NFAT5: variants seen among roughly 807,000 people sequenced by gnomAD.
The protein encoded by NFAT5 is nuclear factor of activated T-cells 5.
In NFAT5, 31 loss-of-function variants were observed where a neutral mutation model predicts 166.5. That is an observed-to-expected ratio of 0.19 (90% CI 0.14 to 0.25). The LOEUF is 0.25. Among genes scored for constraint, NFAT5 ranks in the 10% least tolerant of loss-of-function variants. The pLI, the probability that NFAT5 is intolerant of heterozygous loss-of-function variation, is 1.00. For missense variants in NFAT5, 1,449 were observed against 1,821.8 expected (o/e 0.80, Z 3.72); for synonymous variants, 612 against 639.7 (o/e 0.96, Z 0.65).
At chr16:69,573,295 G>T (rs771517825) in intron 2 of NFAT5, among the ~76,000 whole-genome samples, 1 of 151,848 alleles carries the variant, frequency 6.6e-6, no homozygotes, top group East Asian at 1.9e-4. Context: ...ACTTCATAGT[G>T]CAAAAATGGA....
intron 2 of NFAT5, among the ~76,000 whole-genome samples, chr16:69,614,878 C>CTTT (rs55841097): frequency 2.1e-3 from 270 of 130,948 alleles, no homozygotes; most frequent in South Asian, 5.8e-3. Context: ...TTTCTTTTTC[C>CTTT]TTTTTTTTTT....
At chr16:69,666,296 C>T (rs1442138054) in intron 7 of NFAT5, among the ~76,000 whole-genome samples, 1 of 151,720 alleles carries the variant, frequency 6.6e-6, no homozygotes, top group Non-Finnish European at 1.5e-5. Flanking sequence ...AAAGCAATGG[C>T]AACCAAAGCC....
intron 2 of NFAT5, among the ~76,000 whole-genome samples, chr16:69,613,933 C>T (rs904573287): frequency 2.0e-4 from 30 of 152,238 alleles, no homozygotes; most frequent in African/African-American, 7.2e-4. Context: ...CTGGCATAGA[C>T]AAAAATACTT....
intron 2 of NFAT5, among the ~76,000 whole-genome samples, chr16:69,585,941 G>A (rs2032031928): frequency 6.6e-6 from 1 of 152,170 alleles, no homozygotes. Context: ...AATGGTAATG[G>A]TTGCACAATG....
chr16:69,662,440 A>G (rs538624860), intron 7 of NFAT5, among the ~76,000 whole-genome samples: 110 of 149,048 alleles, frequency 7.4e-4, no homozygotes, highest in South Asian at 2.3e-3. Flanking sequence ...GAGGTAGACA[A>G]CACCTCTTTC....
At chr16:69,620,188 C>T (rs1461424248) in intron 2 of NFAT5, among the ~76,000 whole-genome samples, 2 of 152,156 alleles carry the variant, frequency 1.3e-5, no homozygotes, top group Non-Finnish European at 2.9e-5. Context: ...TATGAGAATG[C>T]ACCAGCATGG....
chr16:69,640,466 C>T (rs945905547), intron 3 of NFAT5, among the ~76,000 whole-genome samples: 1 of 152,276 alleles, frequency 6.6e-6, no homozygotes, highest in South Asian at 2.1e-4. Context: ...AGCAGGTTTG[C>T]AGCCACTTTG....
chr16:69,613,134 T>C (rs1008157683), intron 2 of NFAT5, among the ~76,000 whole-genome samples: 1 of 152,256 alleles, frequency 6.6e-6, no homozygotes, highest in Non-Finnish European at 1.5e-5. Context: ...GGAACTCTCC[T>C]TTTTTTCCCT....
chr16:69,672,949 A>G (rs540054178), intron 9 of NFAT5, among the ~76,000 whole-genome samples: 43 of 152,330 alleles, frequency 2.8e-4, no homozygotes, highest in African/African-American at 1.0e-3. Flanking sequence ...AACAAATTGT[A>G]GTATTAACTT....
intron 2 of NFAT5, among the ~76,000 whole-genome samples, chr16:69,571,476 C>G (rs1245852172): frequency 2.0e-5 from 3 of 152,164 alleles, no homozygotes; most frequent in Admixed American, 2.0e-4. Context: ...CCCAGGTAGT[C>G]TCACTTTAGC....
intron 2 of NFAT5, among the ~76,000 whole-genome samples, chr16:69,594,391 G>C (rs1389768129): frequency 6.6e-6 from 1 of 152,148 alleles, no homozygotes; most frequent in Non-Finnish European, 1.5e-5. Context: ...GGAATTTTTA[G>C]TCTGCATTAT....
intron 10 of NFAT5, among the ~76,000 whole-genome samples, chr16:69,683,231 A>C (rs2037145289): frequency 6.6e-6 from 1 of 151,610 alleles, no homozygotes; most frequent in Non-Finnish European, 1.5e-5. Context: ...AAAGAAGAAA[A>C]AAGAAAAGTA....
chr16:69,572,195 C>T (rs1411242073), intron 2 of NFAT5, among the ~76,000 whole-genome samples: 1 of 152,090 alleles, frequency 6.6e-6, no homozygotes, highest in Non-Finnish European at 1.5e-5. Flanking sequence ...ACGATGATTG[C>T]CTGACAATGG....
intron 2 of NFAT5, among the ~76,000 whole-genome samples, chr16:69,573,157 AT>A (rs1448658047): frequency 6.6e-6 from 1 of 152,220 alleles, no homozygotes; most frequent in Non-Finnish European, 1.5e-5. Context: ...CTTTGTTTAA[AT>A]TAAACATTTA....
chr16:69,646,701 T>C (rs1010139636), intron 3 of NFAT5: 14 of 255,296 alleles, frequency 5.5e-5, no homozygotes, highest in Admixed American at 1.7e-4. Context: ...GGGTTTTCTT[T>C]ATTACTTTAA....
Position 69,693,560 on chromosome 16 carries a change from A to G in NFAT5, c.3735A>G (p.Gln1245=), listed in dbSNP as rs2037642376. The change falls in exon 13 of 15, where the codon CAA becomes CAG. Residue 1245 remains glutamine, a synonymous_variant. Coordinates refer to ENST00000349945, the MANE Select transcript of NFAT5 (RefSeq NM_138713.4). The part of the protein sequence containing the change: ...SLPPNPMPQS[Q]QGTMFQSQHS... The stretch of plus-strand genomic sequence containing the variant: ...CACCTAATCCAATGCCTCAAAGCCA[A>G]CAAGGAACCATGTTCCAGTCACAGC... 1 of 1,614,166 alleles carries G rather than the reference A, an allele frequency of 6.2e-7. No individual in the cohort carries two copies. The highest frequency in any genetic ancestry group is 2.2e-5 in the East Asian group (1 of 44,880).
chr16:69,574,933 A>G (rs934597146), intron 2 of NFAT5, among the ~76,000 whole-genome samples: 7 of 152,094 alleles, frequency 4.6e-5, no homozygotes, highest in African/African-American at 1.7e-4. Flanking sequence ...CAGCCTCCCA[A>G]ACTGCTGGGA....
At chr16:69,688,021 C>A (rs1340208678) in intron 11 of NFAT5, among the ~76,000 whole-genome samples, 2 of 149,788 alleles carry the variant, frequency 1.3e-5, no homozygotes, top group East Asian at 3.9e-4. Flanking sequence ...GGTGAAACCC[C>A]GTCTCTACTA....
rs151219756 is a variant in NFAT5, at chr16:69,572,031, G to A, written c.127+3483G>A. The stretch of plus-strand genomic sequence containing the variant: ...CCTGCGTCAGCCTCCCAAAGTGCTG[G>A]GATTACAGGCGTGAGCCACCGCACC... On this transcript the variant is annotated intron_variant, in intron 2 of 14. Transcript: ENST00000349945. 1.9e-3 allele frequency among the ~76,000 whole-genome samples: 283 copies of A among 152,016 alleles called. 3 individuals are homozygous for A. The highest frequency in any genetic ancestry group is 6.4e-3 in the African/African-American group (266 of 41,468).
Sources: allele counts gnomAD v4.1 joint callset (sites outside exome capture counted in the v4.1 genomes callset), GRCh38; gene constraint gnomAD v4.1.1; transcripts MANE v1.5; gene names NCBI Gene and HGNC (gene_info 2026-07-23, HGNC 2026-07-21).